Variants in PCSK5 observed in about 807,000 individuals in gnomAD.
PCSK5 encodes the protein proprotein convertase subtilisin/kexin type 5.
Under a neutral mutation model 233.2 loss-of-function variants are expected in PCSK5, and 129 were observed. The observed-to-expected ratio is 0.55, with a 90% CI of 0.48 to 0.64. The LOEUF is 0.64. Among genes scored for constraint, PCSK5 ranks in the 30% least tolerant of loss-of-function variants. PCSK5 has a pLI of 0.00. For missense variants in PCSK5, 2,076 were observed against 2,430.1 expected, an observed-to-expected ratio of 0.85 and a Z score of 3.06; for synonymous variants, 825 against 879.2, an observed-to-expected ratio of 0.94 and a Z score of 1.09.
intron 2 of PCSK5, among the ~76,000 whole-genome samples, chr9:75,943,484 G>A (rs575175863): frequency 1.3e-5 from 2 of 152,086 alleles, no homozygotes; most frequent in Non-Finnish European, 2.9e-5. Context: ...GAGTAAATAA[G>A]AAATCTAATT....
chr9:76,284,643 C>T (rs975215175), intron 24 of PCSK5, among the ~76,000 whole-genome samples: 3 of 150,586 alleles, frequency 2.0e-5, no homozygotes, highest in African/African-American at 4.9e-5. Flanking sequence ...AGTGATTCTC[C>T]TGCCTCAACC....
At chr9:76,179,095 C>T (rs1031881377) in intron 14 of PCSK5, among the ~76,000 whole-genome samples, 5 of 152,008 alleles carry the variant, frequency 3.3e-5, no homozygotes, top group African/African-American at 1.2e-4. Flanking sequence ...TAAGCTTGTG[C>T]CAGGTGCTGT....
At chr9:76,212,333 T>A (rs1450906113) in intron 20 of PCSK5, among the ~76,000 whole-genome samples, 1 of 152,202 alleles carries the variant, frequency 6.6e-6, no homozygotes, top group African/African-American at 2.4e-5. Context: ...TTTTGCTCCA[T>A]CAACTCTTGT....
At chr9:76,278,120 G>T (rs1018304831) in intron 24 of PCSK5, among the ~76,000 whole-genome samples, 2 of 152,186 alleles carry the variant, frequency 1.3e-5, no homozygotes, top group Admixed American at 6.5e-5. Flanking sequence ...CAACAAGGCT[G>T]CAGGTGCTCA....
chr9:76,177,517 A>G (rs982314220), intron 14 of PCSK5, among the ~76,000 whole-genome samples: 1 of 152,190 alleles, frequency 6.6e-6, no homozygotes, highest in African/African-American at 2.4e-5. Flanking sequence ...ATTAAGACCA[A>G]TTGAGCTTAT....
At chr9:76,228,345 C>T (rs908141200) in intron 21 of PCSK5, among the ~76,000 whole-genome samples, 2 of 152,154 alleles carry the variant, frequency 1.3e-5, no homozygotes. Flanking sequence ...CTCTTCCCAG[C>T]AAAAATTAAC....
In PCSK5 at chr9:76,295,360, A is replaced by G. The variant is rs529042906; in HGVS notation, c.3271A>G (p.Ser1091Gly). Residue 1091 changes from serine to glycine, a missense_variant, in exon 26 of 38, where the codon AGC becomes GGC. Ser to Gly is a moderately conservative substitution (Grantham distance 56). Coordinates refer to ENST00000674117, the MANE Select transcript of PCSK5 (RefSeq NM_001372043.1). Reference protein sequence around the residue: ...ECKACDSNCGSCDQNGCYWCE... With the variant: ...ECKACDSNCGGCDQNGCYWCE... ...CAAGGCGTGTGATAGTAACTGTGGC[A>G]GCTGTGACCAGAATGGGTGTTACTG... The G allele has an allele frequency of 5.3e-5, 85 of 1,612,280 alleles. No homozygotes were observed. In the Middle Eastern group the frequency reaches 6.6e-4, roughly 13 times the overall value.
chr9:76,142,691 A>G (rs1458051479), intron 10 of PCSK5, among the ~76,000 whole-genome samples: 1 of 152,250 alleles, frequency 6.6e-6, no homozygotes, highest in Non-Finnish European at 1.5e-5. Context: ...TATTTTATAT[A>G]GAGATACAGA....
At chr9:76,234,172 G>A (rs998295126) in intron 22 of PCSK5, among the ~76,000 whole-genome samples, 3 of 151,922 alleles carry the variant, frequency 2.0e-5, no homozygotes, top group African/African-American at 4.8e-5. Context: ...GTCCCCTACC[G>A]ACCTCATGTG....
chr9:76,217,629 C>T (rs899902122), intron 20 of PCSK5, among the ~76,000 whole-genome samples: 2 of 152,170 alleles, frequency 1.3e-5, no homozygotes, highest in African/African-American at 4.8e-5. Context: ...TTCAGTTCCC[C>T]ACCTCTTGGG....
chr9:76,100,129 T>G (rs558339071), intron 8 of PCSK5, among the ~76,000 whole-genome samples: 1 of 152,232 alleles, frequency 6.6e-6, no homozygotes, highest in Non-Finnish European at 1.5e-5. Flanking sequence ...GACCTCGGTA[T>G]TGCATTCATG....
chr9:76,127,997 G>A (rs1224751776), intron 9 of PCSK5, among the ~76,000 whole-genome samples: 1 of 152,172 alleles, frequency 6.6e-6, no homozygotes, highest in African/African-American at 2.4e-5. Context: ...TGATTAAGAG[G>A]CTGTAGAATG....
intron 3 of PCSK5, among the ~76,000 whole-genome samples, chr9:76,008,728 G>A (rs1053603516): frequency 2.0e-5 from 3 of 152,044 alleles, no homozygotes; most frequent in African/African-American, 7.2e-5. Context: ...CCAAAGTGCT[G>A]GGATTACAGG....
chr9:76,056,751 C>A (rs997885668), intron 5 of PCSK5, among the ~76,000 whole-genome samples: 15 of 152,182 alleles, frequency 9.9e-5, no homozygotes, highest in African/African-American at 3.4e-4. Flanking sequence ...AGGGCTTTGA[C>A]AGTAATGACA....
intron 1 of PCSK5, among the ~76,000 whole-genome samples, chr9:75,914,100 A>G (rs982854004): frequency 1.1e-4 from 17 of 152,232 alleles, no homozygotes; most frequent in African/African-American, 4.1e-4. Context: ...TTATCTACAA[A>G]TCGTGTCACA....
chr9:76,276,082 C>T (rs915038047), intron 24 of PCSK5, among the ~76,000 whole-genome samples: 5 of 152,132 alleles, frequency 3.3e-5, no homozygotes, highest in Non-Finnish European at 4.4e-5. Flanking sequence ...AATCCCATTC[C>T]CTCACCCCAC....
chr9:76,082,479 T>A (rs71509852), intron 7 of PCSK5, among the ~76,000 whole-genome samples: 1 of 152,102 alleles, frequency 6.6e-6, no homozygotes, highest in Non-Finnish European at 1.5e-5. Flanking sequence ...AGGCATTCAC[T>A]GAGGGGTTAT....
At chr9:75,924,672 G>T (rs1823401162) in intron 1 of PCSK5, among the ~76,000 whole-genome samples, 1 of 152,020 alleles carries the variant, frequency 6.6e-6, no homozygotes, top group African/African-American at 2.4e-5. Flanking sequence ...TTCTCTTTTT[G>T]CATCTGCTCA....
At chr9:76,322,010 C>G (rs1829221167) in intron 31 of PCSK5, among the ~76,000 whole-genome samples, 1 of 152,040 alleles carries the variant, frequency 6.6e-6, no homozygotes, top group Non-Finnish European at 1.5e-5. Context: ...AGTGCAATGG[C>G]TCAATCTCAG....
Sources: allele counts gnomAD v4.1 joint callset (sites outside exome capture counted in the v4.1 genomes callset), GRCh38; gene constraint gnomAD v4.1.1; transcripts MANE v1.5; gene names NCBI Gene and HGNC (gene_info 2026-07-23, HGNC 2026-07-21).